TENM1: variants seen among roughly 807,000 people sequenced by gnomAD.
TENM1 encodes teneurin-1.
In TENM1, 35 loss-of-function variants were observed where a neutral mutation model predicts 174.8. The ratio of observed to expected loss-of-function variants is 0.20; its 90% CI spans 0.15 to 0.27. The LOEUF (loss-of-function observed/expected upper bound fraction) is 0.27, where lower values mean the gene tolerates loss of function less well. TENM1 is among the 10% of genes least tolerant of loss of function. The pLI, the probability that TENM1 is intolerant of heterozygous loss-of-function variation, is 1.00. For synonymous variants in TENM1, 781 were observed against 798.7 expected (o/e 0.98, Z 0.37); for missense variants, 1,633 against 2,130.1 (o/e 0.77, Z 4.59).
At position 124,422,485 on chromosome X, in the gene TENM1, G is replaced by A. The variant is rs372983086; in HGVS notation, c.4258C>T (p.His1420Tyr). The change falls in exon 24 of 32, where the codon CAT becomes TAT. Residue 1420 changes from histidine to tyrosine, a missense_variant. His to Tyr is a moderately conservative substitution (Grantham distance 83). This residue lies in a region of TENM1 where 807 missense variants were observed against 1,125.3 expected (regional missense o/e 0.72). Coordinates refer to ENST00000422452, the Ensembl canonical transcript of TENM1. ...ATTGCTACCTTGCTGACCAGGAAATGATCGATGCCTGGCACCTGGCAGTGA... is the reference window on the plus strand; with the variant it reads ...ATTGCTACCTTGCTGACCAGGAAATAATCGATGCCTGGCACCTGGCAGTGA... 2.6e-5 allele frequency: 31 copies of A among 1,209,424 alleles called. No homozygotes were observed. The African/African-American group carries it at 3.5e-4, about 14-fold the overall frequency.
chrX:124,620,029 T>C (rs1260757652), intron 11 of TENM1, among the ~76,000 whole-genome samples: 1 of 112,328 alleles, frequency 8.9e-6, no homozygotes, highest in East Asian at 2.8e-4. Flanking sequence ...TCAAATCCTC[T>C]AAAAAGGAAA....
intron 1 of TENM1, among the ~76,000 whole-genome samples, chrX:124,918,569 C>CAA (rs11374085): frequency 2.6e-4 from 13 of 50,218 alleles, no homozygotes; most frequent in African/African-American, 6.7e-4. Flanking sequence ...AGAGAAATTA[C>CAA]AAAAAAAAAA....
intron 22 of TENM1, among the ~76,000 whole-genome samples, chrX:124,476,416 C>T (rs748205753): frequency 8.9e-6 from 1 of 111,894 alleles, no homozygotes; most frequent in South Asian, 3.8e-4. Context: ...CATGTATACC[C>T]TAAAAACACT....
At chrX:124,449,062 G>C (rs1197086092) in intron 23 of TENM1, among the ~76,000 whole-genome samples, 1 of 112,081 alleles carries the variant, frequency 8.9e-6, no homozygotes, top group Non-Finnish European at 1.9e-5. Flanking sequence ...CTCAGGCACA[G>C]AACAGGAAAT....
chrX:124,884,183 G>A (rs865860298), intron 3 of TENM1, among the ~76,000 whole-genome samples: 2 of 111,224 alleles, frequency 1.8e-5, no homozygotes, highest in African/African-American at 6.6e-5. Flanking sequence ...ACTGCTGGGG[G>A]CAGTGGGGTT....
the TENM1 span, among the ~76,000 whole-genome samples, chrX:125,137,613 C>G: frequency 1.8e-5 from 2 of 110,981 alleles, no homozygotes; most frequent in African/African-American, 6.6e-5. Flanking sequence ...TTAAAGAAAC[C>G]TGATAATCAT....
intron 3 of TENM1, among the ~76,000 whole-genome samples, chrX:124,785,549 C>T (rs764290065): frequency 4.5e-5 from 5 of 111,922 alleles, no homozygotes; most frequent in African/African-American, 1.6e-4. Flanking sequence ...ATACTTTGAC[C>T]AAATACTTTG....
chrX:124,500,973 C>T (rs193132961), intron 19 of TENM1, among the ~76,000 whole-genome samples: 6 of 111,408 alleles, frequency 5.4e-5, no homozygotes, highest in South Asian at 3.8e-4. Context: ...AACCATTTGT[C>T]GGCAAACTAC....
At chrX:124,522,540 A>C (rs1052273380) in intron 17 of TENM1, among the ~76,000 whole-genome samples, 1 of 103,395 alleles carries the variant, frequency 9.7e-6, no homozygotes, top group African/African-American at 3.9e-5. Flanking sequence ...ATAAAGCTTG[A>C]ACACTCAGAA....
At chrX:125,150,585 T>A in the TENM1 span, among the ~76,000 whole-genome samples, 2 of 112,320 alleles carry the variant, frequency 1.8e-5, no homozygotes, top group East Asian at 5.6e-4. Flanking sequence ...ACCACCTCTC[T>A]TAGTGATACC....
the TENM1 span, among the ~76,000 whole-genome samples, chrX:124,978,318 C>A: frequency 4.7e-4 from 52 of 111,767 alleles, no homozygotes; most frequent in African/African-American, 1.7e-3. Flanking sequence ...GATTTGTCTG[C>A]TAATTGCAAA....
chrX:124,972,198 A>C, the TENM1 span, among the ~76,000 whole-genome samples: 1 of 109,298 alleles, frequency 9.1e-6, no homozygotes. Context: ...GTGCCACTGC[A>C]CTTCAGCCTA....
chrX:124,431,153 T>C (rs1168904652), intron 23 of TENM1, among the ~76,000 whole-genome samples: 2 of 112,334 alleles, frequency 1.8e-5, no homozygotes, highest in Non-Finnish European at 3.8e-5. Context: ...AGTTAACATT[T>C]ATGGAAGTGC....
chrX:125,144,294 G>C, the TENM1 span, among the ~76,000 whole-genome samples: 4 of 111,495 alleles, frequency 3.6e-5, no homozygotes, highest in Non-Finnish European at 7.5e-5. Flanking sequence ...CAAAAAAATG[G>C]TCTATAATAA....
the TENM1 span, among the ~76,000 whole-genome samples, chrX:125,168,197 T>C: frequency 2.8e-4 from 31 of 111,915 alleles, no homozygotes; most frequent in Admixed American, 2.2e-3. Flanking sequence ...ATTGTATGTT[T>C]TCAAGAGTTA....
chrX:124,836,134 A>G lies in TENM1; in HGVS notation c.535+58162T>C, dbSNP rs193267867. Among the ~76,000 whole-genome samples the G allele has an allele frequency of 2.7e-5, 3 of 112,268 alleles. No homozygotes were observed. The East Asian group carries it at 8.4e-4, about 31-fold the overall frequency. On this transcript the variant is annotated intron_variant, in intron 3 of 31. Coordinates refer to ENST00000422452, the Ensembl canonical transcript of TENM1. ...CAAGAACTGCTGTCTAAAATATGCT[A>G]TATCATTCCCTATGTCTACATCAAT...
intron 11 of TENM1, among the ~76,000 whole-genome samples, chrX:124,632,996 C>A (rs1015530724): frequency 1.3e-4 from 15 of 112,082 alleles, no homozygotes; most frequent in African/African-American, 4.9e-4. Context: ...CAGAGAATTT[C>A]CATGGCAGCA....
the TENM1 span, among the ~76,000 whole-genome samples, chrX:125,089,737 C>G: frequency 1.8e-5 from 2 of 111,564 alleles, no homozygotes; most frequent in South Asian, 7.7e-4. Flanking sequence ...TAAGTTGAAT[C>G]AACCTCCTTG....
chrX:124,810,965 T>C (rs1244054983), intron 3 of TENM1, among the ~76,000 whole-genome samples: 1 of 111,378 alleles, frequency 9.0e-6, no homozygotes, highest in Non-Finnish European at 1.9e-5. Context: ...ATCTCTTCAA[T>C]AAAGTTGTTA....
Sources: gnomAD v4.1 joint callset for allele counts (sites outside exome capture counted in the v4.1 genomes callset) on GRCh38, gnomAD v4.1.1 for gene constraint, gnomAD v4.1.1 regional missense constraint, MANE v1.5 for transcripts, NCBI Gene and HGNC (gene_info 2026-07-23, HGNC 2026-07-21) for gene names.